Variants in LRIT2 observed in about 807,000 individuals in gnomAD.
LRIT2 encodes leucine rich repeat, Ig-like and transmembrane domains 2, also known as leucine-rich repeat, immunoglobulin-like domain and transmembrane domain-containing protein 2.
A neutral mutation model predicts 22.4 loss-of-function variants in LRIT2; 23 were observed. That is an observed-to-expected ratio of 1.03 (90% CI 0.74 to 1.45). LRIT2 has a LOEUF of 1.45. LRIT2 is among the 40% of genes most tolerant of loss of function. The pLI is 0.00. For synonymous variants in LRIT2, 291 were observed against 267.1 expected, an observed-to-expected ratio of 1.09 and a Z score of -0.87; for missense variants, 784 against 665.6, an observed-to-expected ratio of 1.18 and a Z score of -1.96.
Position 84,225,478 on chromosome 10 carries a change from G to A in LRIT2, c.43C>T (p.Leu15=). The change falls in exon 1 of 3, where the codon CTG becomes TTG. Residue 15 remains leucine, a synonymous_variant. Transcript: ENST00000372113. ...FHYFLLVLVF[L]DTHAAQPFCL... is the part of the protein sequence containing the mutation. ...AAAGGCTGAGCTGCGTGTGTATCCA[G>A]AAAGACCAGAACTAACAGGAAGTAA... The A allele has an allele frequency of 6.2e-7, 1 of 1,614,184 alleles. No homozygotes were observed.
At position 84,222,684 on chromosome 10, in the gene LRIT2, G is replaced by T. The variant is rs770217187; in HGVS notation, c.893-4C>A. On this transcript the variant is annotated splice_polypyrimidine_tract_variant and splice_region_variant and intron_variant, in intron 2 of 2. Transcript: ENST00000372113. ...TCTCCAGTAGAAGATGTCAACACTG[G>T]GTGGAAAGAAAAACAAAACAGCTGT... 1.9e-6 allele frequency: 3 copies of T among 1,612,358 alleles called. No individual in the cohort carries two copies. The highest frequency in any genetic ancestry group is 4.5e-5 in the East Asian group (2 of 44,826).
At position 84,224,894 on chromosome 10, in the gene LRIT2, C is replaced by A; in HGVS notation, c.331G>T (p.Glu111Ter). The A allele has an allele frequency of 1.2e-6, 2 of 1,614,168 alleles. No homozygotes were observed. The highest frequency in any genetic ancestry group is 2.2e-5 in the South Asian group (2 of 91,088). Residue 111 changes from glutamate to a stop codon, truncating the protein, a stop_gained, in exon 2 of 3, where the codon GAG becomes TAG. Coordinates refer to ENST00000372113, the MANE Select transcript of LRIT2 (RefSeq NM_001017924.5). LOFTEE classifies it high-confidence loss of function. ...HLPELRELRL[E>*]GNKLCSVPWT... ...GGTACTGAGCAGAGCTTGTTCCCCT[C>A]CAGTCTCAGCTCCCTCAGTTCTGGC...
chr10:84,223,735 G>A (rs1240957301), intron 2 of LRIT2, among the ~76,000 whole-genome samples: 1 of 152,144 alleles, frequency 6.6e-6, no homozygotes, highest in Admixed American at 6.6e-5. Context: ...TCCCAGCTGA[G>A]GTATGAAAAC....
Position 84,222,402 on chromosome 10 carries a change from C to A in LRIT2, c.1171G>T (p.Glu391Ter), listed in dbSNP as rs376583266. The change falls in exon 3 of 3, where the codon GAG becomes TAG. Residue 391 changes from glutamate to a stop codon, truncating the protein, a stop_gained. Transcript: ENST00000372113. LOFTEE classifies it low-confidence loss of function (END_TRUNC). Reference sequence around the variant, plus strand: ...GCAATGTAGAGGGTGAACCACTCCTCCTTAGAGGTGTCAGCCACTGCAAGC... The same window carrying A: ...GCAATGTAGAGGGTGAACCACTCCTACTTAGAGGTGTCAGCCACTGCAAGC... ...EWLAVADTSK[E>*]EWFTLYIASD... The A allele has an allele frequency of 1.1e-5, 17 of 1,614,162 alleles. No individual in the cohort carries two copies. The highest frequency in any genetic ancestry group is 1.4e-5 in the Non-Finnish European group (16 of 1,180,042).
At chr10:84,222,871 A>G (rs1328557147) in intron 2 of LRIT2, 191 bp from the exon 3 acceptor site, 1 of 719,404 alleles carries the variant, frequency 1.4e-6, no homozygotes, top group Admixed American at 2.0e-5. Context: ...TAAGATAAAT[A>G]ACTGATCTTT....
rs1842534963 is a variant in LRIT2 at position 84,223,820 on chromosome 10, C to T, written c.892+513G>A. Among the ~76,000 whole-genome samples, 3 of 152,164 alleles carry T rather than the reference C, an allele frequency of 2.0e-5. No homozygotes were observed. In the South Asian group the frequency reaches 6.2e-4, roughly 32 times the overall value. ...GGGCCCACAGAGGTCACTTCCTTTC[C>T]CTGGGTCCCAGTATTACAAATTCAA... On this transcript the variant is annotated intron_variant, in intron 2 of 2. Coordinates refer to ENST00000372113, the MANE Select transcript of LRIT2 (RefSeq NM_001017924.5).
In LRIT2 at chr10:84,220,617, A is replaced by T. The variant is rs531697433; in HGVS notation, c.*1303T>A. The T allele has an allele frequency of 1.0e-3, 155 of 152,296 alleles. No individual in the cohort carries two copies. Among genetic ancestry groups the T allele is most frequent in the African/African-American group, 3.6e-3 (149 of 41,556 alleles). 9.4% of individuals were successfully genotyped at this position (152,296 alleles called of 1,614,324 possible). A position where few individuals can be genotyped will look rare whatever the true frequency, so the allele number is the denominator to read the frequency against. ...ATTTTTTAAAATTTATTGTTAACTA[A>T]CATTGATTATGAACACAATCCAGGT... On this transcript the variant is annotated 3_prime_UTR_variant, in exon 3 of 3. Coordinates refer to ENST00000372113, the MANE Select transcript of LRIT2 (RefSeq NM_001017924.5).
At chr10:84,222,935 T>C in intron 2 of LRIT2, 1 of 695,276 alleles carries the variant, frequency 1.4e-6, no homozygotes, top group Non-Finnish European at 2.6e-6. Flanking sequence ...GTAGTGAGAG[T>C]TGTTCAGAAG....
rs1021045741 is a variant in LRIT2, at chr10:84,224,479, G to A, written c.746C>T (p.Ala249Val). 1 of 1,614,234 alleles carries A rather than the reference G, an allele frequency of 6.2e-7. No individual in the cohort carries two copies. The highest frequency in any genetic ancestry group is 8.5e-7 in the Non-Finnish European group (1 of 1,180,038). Residue 249 changes from alanine to valine, a missense_variant, in exon 2 of 3, where the codon GCT becomes GTT. Ala to Val is a moderately conservative substitution (Grantham distance 64, BLOSUM62 0). Transcript: ENST00000372113. ...GGTTGAGATCTGTGGCTTCATGCAA[G>A]CACTAAGCTCAGTTTCATGAAAAAG... ...GQLFHETELSACMKPQISTPS... is the reference protein window; with the variant it reads ...GQLFHETELSVCMKPQISTPS...
At position 84,222,109 on chromosome 10, in the gene LRIT2, G is replaced by C; in HGVS notation, c.1464C>G (p.Gly488=). 1 of 1,608,690 alleles carries C rather than the reference G, an allele frequency of 6.2e-7. No individual in the cohort carries two copies. The highest frequency in any genetic ancestry group is 8.5e-7 in the Non-Finnish European group (1 of 1,176,396). ...GGACCCACTTGCTGCAGCTGCAGGG[G>C]CCCTGGGCTGCCCAGGCATAGGCGC... is the stretch of plus-strand genomic sequence containing the variant. ...PVGAYAWAAQ[G]PCSCSKWVLR... Residue 488 remains glycine (G), a synonymous_variant, in exon 3 of 3, where the codon GGC becomes GGG. Coordinates refer to ENST00000372113, the MANE Select transcript of LRIT2 (RefSeq NM_001017924.5).
chr10:84,222,485 T>C lies in LRIT2; in HGVS notation c.1088A>G (p.Asn363Ser). ...GACAACCCGCAGGTCAATGTAGGCA[T>C]TGCCCTCCGAGGGGATGGAAAGAGA... ...PDSLSIPSEGNAYIDLRVVKQ... is the reference protein window; with the variant it reads ...PDSLSIPSEGSAYIDLRVVKQ... The change falls in exon 3 of 3, where the codon AAT becomes AGT. Residue 363 changes from asparagine (N) to serine (S), a missense_variant. Asn to Ser is a conservative substitution (Grantham distance 46). Transcript: ENST00000372113. 6.2e-7 allele frequency: 1 copy of C among 1,613,984 alleles called. No homozygotes were observed. Among genetic ancestry groups the C allele is most frequent in the Non-Finnish European group, 8.5e-7 (1 of 1,180,010 alleles).
In LRIT2 at chr10:84,224,695, T is replaced by C. The variant is rs1055022133; in HGVS notation, c.530A>G (p.Tyr177Cys). Residue 177 changes from tyrosine (Y) to cysteine (C), a missense_variant, in exon 2 of 3, where the codon TAC (tyrosine) becomes TGC (cysteine). Transcript: ENST00000372113. ...ACAGTCAGGCTGCCGGCATTTCTGG[T>C]AGGCTGGCCAGTTCAGGAAGACACT... is the stretch of plus-strand genomic sequence containing the variant. ...SKSVFLNWPAYQKCRQPDCGA... is the reference protein window; with the variant it reads ...SKSVFLNWPACQKCRQPDCGA... The C allele has an allele frequency of 6.2e-7, 1 of 1,613,958 alleles. No homozygotes were observed. Among genetic ancestry groups the C allele is most frequent in the South Asian group, 1.1e-5 (1 of 91,086 alleles).
chr10:84,224,810 T>G lies in LRIT2; in HGVS notation c.415A>C (p.Ile139Leu), dbSNP rs1237840291. 1.2e-6 allele frequency: 2 copies of G among 1,613,924 alleles called. No homozygotes were observed. Among genetic ancestry groups the G allele is most frequent in the African/African-American group, 2.7e-5 (2 of 74,866 alleles). The change falls in exon 2 of 3, where the codon ATT (isoleucine) becomes CTT (leucine). Residue 139 changes from isoleucine to leucine, a missense_variant. By Grantham distance (5) the Ile-to-Leu change is conservative (BLOSUM62 2). Transcript: ENST00000372113. ...AGAGCCAGCTCAGGGAGTGCATCAA[T>G]CTTGTTGCGTTTGAGATCCAAGACC... ...LRVLDLKRNK[I>L]DALPELALQF...
rs1444730590 is a variant in LRIT2, at chr10:84,222,226, T to C, written c.1347A>G (p.Val449=). 6.2e-7 allele frequency: 1 copy of C among 1,614,226 alleles called. No individual in the cohort carries two copies. Reference sequence around the variant, plus strand: ...CTAGCCCACCAGCATCTCTGCCTGTTACAAAAGCTACACACTGGCCCTGGT... The same window carrying C: ...CTAGCCCACCAGCATCTCTGCCTGTCACAAAAGCTACACACTGGCCCTGGT... The part of the protein sequence containing the change: ...PPHQGQCVAF[V]TGRDAGGLEA... Residue 449 remains valine, a synonymous_variant, in exon 3 of 3, where the codon GTA becomes GTG. Coordinates refer to ENST00000372113, the MANE Select transcript of LRIT2 (RefSeq NM_001017924.5).
In LRIT2 at chr10:84,224,411, G is replaced by C; in HGVS notation, c.814C>G (p.Leu272Val). 1 of 1,614,254 alleles carries C rather than the reference G, an allele frequency of 6.2e-7. No individual in the cohort carries two copies. The highest frequency in any genetic ancestry group is 8.5e-7 in the Non-Finnish European group (1 of 1,180,054). ...GGGCTGGCCTGTGCCAAGCATCGCAGGGTCACATTCTGTCCTGCCCGGATG... is the reference window on the plus strand; with the variant it reads ...GGGCTGGCCTGTGCCAAGCATCGCACGGTCACATTCTGTCCTGCCCGGATG... ...ITIRAGQNVTLRCLAQASPSP... is the reference protein window; with the variant it reads ...ITIRAGQNVTVRCLAQASPSP... Residue 272 changes from leucine (L) to valine (V), a missense_variant, in exon 2 of 3, where the codon CTG (leucine) becomes GTG (valine). Coordinates refer to ENST00000372113, the MANE Select transcript of LRIT2 (RefSeq NM_001017924.5).
In LRIT2 at chr10:84,225,024, T is replaced by C. The variant is rs1438780259; in HGVS notation, c.201A>G (p.Leu67=). The C allele has an allele frequency of 3.1e-6, 5 of 1,613,968 alleles. No homozygotes were observed. The highest frequency in any genetic ancestry group is 3.3e-5 in the Admixed American group (2 of 59,992). ...TGAAAGACCCTTGGGGCATCTCAAA[T>C]AAGGGTGAATTTTCAATTCTCACTT... ...FKQVRIENSP[L]FEMPQGSFIN... is the part of the protein sequence containing the mutation. Residue 67 remains leucine (L), a synonymous_variant, in exon 2 of 3, where the codon TTA becomes TTG. Coordinates refer to ENST00000372113, the MANE Select transcript of LRIT2 (RefSeq NM_001017924.5).
In LRIT2 at chr10:84,220,670, G is replaced by C. The variant is rs910059540; in HGVS notation, c.*1250C>G. ...TAGACGAGTGCAGTGGCCACCGTGA[G>C]GAAGGTCAGTCTTTGCCTGCAAATG... On this transcript the variant is annotated 3_prime_UTR_variant, in exon 3 of 3. Coordinates refer to ENST00000372113, the MANE Select transcript of LRIT2 (RefSeq NM_001017924.5). The C allele has an allele frequency of 1.3e-5, 2 of 152,200 alleles. No individual in the cohort carries two copies. The highest frequency in any genetic ancestry group is 4.1e-4 in the South Asian group (2 of 4,826). The allele number at this position is 152,200 out of a possible 1,614,324, so 9.4% of individuals were successfully genotyped here. A position where few individuals can be genotyped will look rare whatever the true frequency, so the allele number is the denominator to read the frequency against.
Position 84,221,935 on chromosome 10 carries a change from C to T in LRIT2, c.1638G>A (p.Thr546=), listed in dbSNP as rs374713173. The T allele has an allele frequency of 8.3e-5, 127 of 1,526,388 alleles. No individual in the cohort carries two copies. The highest frequency in any genetic ancestry group is 6.3e-4 in the South Asian group (49 of 77,646). The allele number at this position is 1,526,388 out of a possible 1,614,324, so 94.6% of individuals were successfully genotyped here. A position where few individuals can be genotyped will look rare whatever the true frequency, so the allele number is the denominator to read the frequency against. Reference sequence around the variant, plus strand: ...CCTGGGTTGTTCAGCTGTTGTCTTCCGTTCCTCCTTTCTCCTTGTCCCCCT... The same window carrying T: ...CCTGGGTTGTTCAGCTGTTGTCTTCTGTTCCTCCTTTCTCCTTGTCCCCCT... ...DTEGDKEKGG[T]EDNS is the part of the protein sequence containing the mutation. Residue 546 remains threonine (T), a synonymous_variant, in exon 3 of 3, where the codon ACG becomes ACA. Coordinates refer to ENST00000372113, the MANE Select transcript of LRIT2 (RefSeq NM_001017924.5).
chr10:84,224,806 T>A lies in LRIT2; in HGVS notation c.419A>T (p.Asp140Val), dbSNP rs760025595. 1.2e-6 allele frequency: 2 copies of A among 1,613,906 alleles called. No individual in the cohort carries two copies. Among genetic ancestry groups the A allele is most frequent in the Admixed American group, 3.3e-5 (2 of 60,008 alleles). Residue 140 changes from aspartate to valine, a missense_variant, in exon 2 of 3, where the codon GAT becomes GTT. Coordinates refer to ENST00000372113, the MANE Select transcript of LRIT2 (RefSeq NM_001017924.5). ...RVLDLKRNKIDALPELALQFL... is the reference protein window; with the variant it reads ...RVLDLKRNKIVALPELALQFL... ...TTGAAGAGCCAGCTCAGGGAGTGCA[T>A]CAATCTTGTTGCGTTTGAGATCCAA...
Sources: gnomAD v4.1 joint callset for allele counts (sites outside exome capture counted in the v4.1 genomes callset) on GRCh38, gnomAD v4.1.1 for gene constraint, MANE v1.5 for transcripts, NCBI Gene and HGNC (gene_info 2026-07-23, HGNC 2026-07-21) for gene names.